The following KCNN2 variants were observed in gnomAD, a reference collection of about 807,000 sequenced individuals.
KCNN2 encodes the protein small conductance calcium-activated potassium channel protein 2.
KCNN2 carries 24 observed loss-of-function variants against 55.5 expected under a neutral mutation model. That is an observed-to-expected ratio of 0.43 (90% CI 0.31 to 0.61). The LOEUF (loss-of-function observed/expected upper bound fraction) is 0.61. Ranked by LOEUF, KCNN2 falls within the 20% of genes least tolerant of loss-of-function variation. The probability of loss-of-function intolerance (pLI) is 0.08; values close to 1 mark genes in which losing one functional copy is unlikely to be tolerated. For synonymous variants in KCNN2, 431 were observed against 336.1 expected, an observed-to-expected ratio of 1.28 and a Z score of -3.09; for missense variants, 754 against 853.6, an observed-to-expected ratio of 0.88 and a Z score of 1.45.
At chr5:114,490,238 A>T (rs1454814902) in intron 6 of KCNN2, among the ~76,000 whole-genome samples, 1 of 152,190 alleles carries the variant, frequency 6.6e-6, no homozygotes, top group East Asian at 1.9e-4. Context: ...TGAGAGTTGG[A>T]TTACCTGCCT....
intron 1 of KCNN2, among the ~76,000 whole-genome samples, chr5:114,196,564 T>C (rs1753561749): frequency 6.6e-6 from 1 of 152,034 alleles, no homozygotes; most frequent in Non-Finnish European, 1.5e-5. Context: ...TTCTCTTTTT[T>C]CTTGAGTTAG....
rs943684298 is a variant in KCNN2, at chr5:114,252,773, ATG to A, written c.-185+31223_-185+31224del. Among the ~76,000 whole-genome samples the A allele has an allele frequency of 6.4e-4, 95 of 147,816 alleles. 2 individuals carry two copies. Among genetic ancestry groups the A allele is most frequent in the Admixed American group, 1.5e-3 (23 of 14,894 alleles). The stretch of plus-strand genomic sequence containing the variant: ...GTGTTTTCATGGCACTCTGTGTAGC[ATG>A]TGTGTGTGTGTGTGAGAGAGAGAGA... On this transcript the variant is annotated intron_variant, in intron 2 of 10. Coordinates refer to the KCNN2 transcript ENST00000512097.
chr5:114,481,237 C>T (rs1024291686), intron 5 of KCNN2, among the ~76,000 whole-genome samples: 1 of 152,168 alleles, frequency 6.6e-6, no homozygotes, highest in Admixed American at 6.5e-5. Context: ...CATGAATGAA[C>T]TGCCATCCAC....
At chr5:114,352,026 C>A (rs1045829562) in intron 2 of KCNN2, among the ~76,000 whole-genome samples, 5 of 151,664 alleles carry the variant, frequency 3.3e-5, no homozygotes, top group Non-Finnish European at 7.4e-5. Context: ...GTTAAGTATA[C>A]TACAGATTCA....
intron 1 of KCNN2, among the ~76,000 whole-genome samples, chr5:114,167,238 C>G (rs998886814): frequency 4.6e-5 from 7 of 151,980 alleles, no homozygotes; most frequent in African/African-American, 1.2e-4. Flanking sequence ...AATAAGCCAT[C>G]CCTGGTGTGC....
At chr5:114,083,093 T>A (rs1214871027) in intron 1 of KCNN2, among the ~76,000 whole-genome samples, 3 of 152,106 alleles carry the variant, frequency 2.0e-5, no homozygotes, top group Admixed American at 2.0e-4. Flanking sequence ...AATATAAATC[T>A]AAAAAAATAT....
At chr5:114,425,803 T>A (rs1161672680) in intron 3 of KCNN2, among the ~76,000 whole-genome samples, 1 of 152,172 alleles carries the variant, frequency 6.6e-6, no homozygotes, top group Non-Finnish European at 1.5e-5. Flanking sequence ...ATTTCTCCTG[T>A]AATTGCCTTC....
intron 2 of KCNN2, among the ~76,000 whole-genome samples, chr5:114,365,150 C>G (rs1017706601): frequency 6.6e-6 from 1 of 152,080 alleles, no homozygotes; most frequent in Non-Finnish European, 1.5e-5. Context: ...ATGCACATTA[C>G]TCCAAGTGCA....
At chr5:114,134,458 GATTTATTTATTTATTTATTTATTTATTT>G (rs368773249) in intron 1 of KCNN2, among the ~76,000 whole-genome samples, 3 of 137,364 alleles carry the variant, frequency 2.2e-5, no homozygotes, top group Non-Finnish European at 4.6e-5. Flanking sequence ...ATCCAACCAT[GATTTATTTATTTATTTATTTATTTATTT>G]ATTTATTTAT....
chr5:114,132,045 A>G (rs1453479648), intron 1 of KCNN2, among the ~76,000 whole-genome samples: 1 of 152,088 alleles, frequency 6.6e-6, no homozygotes, highest in Non-Finnish European at 1.5e-5. Flanking sequence ...TGTCAGACGG[A>G]TAGATTGCAA....
At chr5:114,328,126 A>G (rs1756745559) in intron 2 of KCNN2, among the ~76,000 whole-genome samples, 1 of 152,194 alleles carries the variant, frequency 6.6e-6, no homozygotes, top group Admixed American at 6.5e-5. Context: ...GTCATGTAAA[A>G]GTCAATTTAT....
At chr5:114,073,993 A>C (rs1434905741) in intron 1 of KCNN2, among the ~76,000 whole-genome samples, 2 of 152,152 alleles carry the variant, frequency 1.3e-5, no homozygotes, top group East Asian at 1.9e-4. Flanking sequence ...TTTCCCTTCA[A>C]GTTTCTCAAG....
intron 1 of KCNN2, among the ~76,000 whole-genome samples, chr5:114,216,852 T>TTA (rs1288607702): frequency 6.6e-6 from 1 of 152,084 alleles, no homozygotes; most frequent in Non-Finnish European, 1.5e-5. Flanking sequence ...GATGACGTGA[T>TTA]TATCTATGCA....
At chr5:114,094,523 G>C (rs771141055) in intron 1 of KCNN2, among the ~76,000 whole-genome samples, 1 of 152,222 alleles carries the variant, frequency 6.6e-6, no homozygotes, top group Non-Finnish European at 1.5e-5. Flanking sequence ...CCAAATGGCA[G>C]ATAATTGGGC....
chr5:114,298,846 CT>C lies in KCNN2; in HGVS notation c.-184-62097del, dbSNP rs530033049. Among the ~76,000 whole-genome samples the C allele has an allele frequency of 3.4e-4, 52 of 152,050 alleles. No individual in the cohort carries two copies. In the South Asian group the frequency reaches 8.5e-3, roughly 25 times the overall value. On this transcript the variant is annotated intron_variant, in intron 2 of 10. Coordinates refer to the KCNN2 transcript ENST00000512097. ...ATGTGTGATCGCTCTCTTTTTTTGG[CT>C]TCACTTCAGATATAGTGTTTTTCAT...
chr5:114,300,156 CCTTCAGGTTTTGG>C (rs1440149049), intron 2 of KCNN2, among the ~76,000 whole-genome samples: 4 of 152,098 alleles, frequency 2.6e-5, no homozygotes, highest in African/African-American at 9.7e-5. Context: ...ATGACCTCTT[CCTTCAGGTTTTGG>C]CTCTTGGTTT....
At chr5:114,364,673 T>G (rs1757549850) in intron 2 of KCNN2, among the ~76,000 whole-genome samples, 1 of 152,002 alleles carries the variant, frequency 6.6e-6, no homozygotes, top group Non-Finnish European at 1.5e-5. Context: ...AGCTCTATAT[T>G]TGACTGTTAG....
At chr5:114,410,086 A>C (rs1282351395) in intron 3 of KCNN2, among the ~76,000 whole-genome samples, 1 of 152,208 alleles carries the variant, frequency 6.6e-6, no homozygotes, top group Non-Finnish European at 1.5e-5. Context: ...AGTGTGGCCT[A>C]GTGCTGCTAA....
chr5:114,415,261 A>C (rs536345504), intron 3 of KCNN2, among the ~76,000 whole-genome samples: 6 of 152,244 alleles, frequency 3.9e-5, no homozygotes, highest in African/African-American at 1.2e-4. Flanking sequence ...GGCTACTAAG[A>C]ATAGGGTTGC....
Sources: gnomAD v4.1 joint callset for allele counts (sites outside exome capture counted in the v4.1 genomes callset) on GRCh38, gnomAD v4.1.1 for gene constraint, MANE v1.5 for transcripts, NCBI Gene and HGNC (gene_info 2026-07-23, HGNC 2026-07-21) for gene names.